POLR3H: variants seen among roughly 807,000 people sequenced by gnomAD.
The protein encoded by POLR3H is DNA-directed RNA polymerase III subunit RPC8.
A neutral mutation model predicts 25.5 loss-of-function variants in POLR3H; 17 were observed. The observed-to-expected ratio is 0.67, with a 90% CI of 0.46 to 1.00. The LOEUF (loss-of-function observed/expected upper bound fraction) is 1.00, where lower values mean the gene tolerates loss of function less well. Among genes scored for constraint, POLR3H ranks in the 50% least tolerant of loss-of-function variants. POLR3H has a pLI of 0.00. For synonymous variants in POLR3H, 129 were observed against 103.0 expected, an observed-to-expected ratio of 1.25 and a Z score of -1.53; for missense variants, 274 against 265.0, an observed-to-expected ratio of 1.03 and a Z score of -0.24.
At chr22:41,535,974 T>C (rs530804903) in intron 2 of POLR3H, among the ~76,000 whole-genome samples, 1 of 151,072 alleles carries the variant, frequency 6.6e-6, no homozygotes, top group African/African-American at 2.4e-5. Context: ...TTGCATTTTT[T>C]AGAGACAGGG....
Position 41,527,661 on chromosome 22 carries a change from CA to C in POLR3H, c.*1621del, listed in dbSNP as rs1451751048. ...AGCCGCTGAGATCTAGGACATGTGCCAGGGGGTTCTTTCTGATCATGAATGT... is the reference window on the plus strand; with the variant it reads ...AGCCGCTGAGATCTAGGACATGTGCCGGGGGTTCTTTCTGATCATGAATGT... On this transcript the variant is annotated 3_prime_UTR_variant, in exon 6 of 6. Transcript: ENST00000355209. 1.0e-5 allele frequency: 8 copies of C among 787,878 alleles called. No individual in the cohort carries two copies. The South Asian group carries it at 1.1e-4, about 11-fold the overall frequency. The allele number at this position is 787,878 out of a possible 1,614,324, so 48.8% of individuals were successfully genotyped here.
chr22:41,537,721 C>T (rs2145563414), intron 2 of POLR3H, among the ~76,000 whole-genome samples: 2 of 152,238 alleles, frequency 1.3e-5, no homozygotes, highest in South Asian at 4.1e-4. Context: ...CACCTGGTTC[C>T]CAAGAAAACA....
chr22:41,533,400 G>A (rs891608450), intron 2 of POLR3H: 14 of 718,664 alleles, frequency 1.9e-5, no homozygotes, highest in Non-Finnish European at 2.6e-5. Context: ...ATCAGCACGC[G>A]GCTGCCCCCT....
Position 41,527,524 on chromosome 22 carries a change from C to G in POLR3H, c.*1759G>C. The G allele has an allele frequency of 6.9e-7, 1 of 1,454,198 alleles. No homozygotes were observed. Among genetic ancestry groups the G allele is most frequent in the Non-Finnish European group, 9.2e-7 (1 of 1,084,242 alleles). 90.1% of individuals were successfully genotyped at this position (1,454,198 alleles called of 1,614,324 possible). A position where few individuals can be genotyped will look rare whatever the true frequency, so the allele number is the denominator to read the frequency against. ...TGGGCCTGGTTCTAGGCTGTGTCCA[C>G]TGCAGCCCACAGGCCCGTCAGCCTC... On this transcript the variant is annotated 3_prime_UTR_variant, in exon 6 of 6. Coordinates refer to ENST00000355209, the MANE Select transcript of POLR3H (RefSeq NM_001018050.4).
At chr22:41,533,768 G>T (rs1601951756) in intron 2 of POLR3H, 1 of 1,195,674 alleles carries the variant, frequency 8.4e-7, no homozygotes, top group East Asian at 5.7e-5. Flanking sequence ...GAGCAGATGA[G>T]GGCGGCCAAG....
At position 41,526,661 on chromosome 22, in the gene POLR3H, T is replaced by C; in HGVS notation, c.*2622A>G. The C allele has an allele frequency of 1.9e-6, 1 of 520,500 alleles. No individual in the cohort carries two copies. Among genetic ancestry groups the C allele is most frequent in the African/African-American group, 1.9e-5 (1 of 52,222 alleles). 32.2% of individuals were successfully genotyped at this position (520,500 alleles called of 1,614,324 possible). A position where few individuals can be genotyped will look rare whatever the true frequency, so the allele number is the denominator to read the frequency against. On this transcript the variant is annotated 3_prime_UTR_variant, in exon 6 of 6. Coordinates refer to ENST00000355209, the MANE Select transcript of POLR3H (RefSeq NM_001018050.4). ...AGGTCCGGTGGTACAGCCGGGTCCC[T>C]GCACCAGGAGGAGTTAGTGAGAGAT...
At chr22:41,529,958 T>C (rs1303618985) in intron 5 of POLR3H, among the ~76,000 whole-genome samples, 1 of 151,934 alleles carries the variant, frequency 6.6e-6, no homozygotes, top group Non-Finnish European at 1.5e-5. Flanking sequence ...GGTTTCACCG[T>C]GTTAGCCAGG....
intron 1 of POLR3H, 56 bp from the exon 2 acceptor site, chr22:41,540,851 G>A: frequency 2.2e-6 from 3 of 1,359,924 alleles, no homozygotes; most frequent in South Asian, 2.4e-5. Flanking sequence ...GTGACCACAG[G>A]CCCAGCTCCC....
In POLR3H at chr22:41,526,209, C is replaced by A. The variant is rs2066592137; in HGVS notation, c.*3074G>T. ...TGCCTGCCTCTGGAGGGCTTGTCAT[C>A]CACCCCTCCAGGGCCATGCCCTGAC... On this transcript the variant is annotated 3_prime_UTR_variant, in exon 6 of 6. Transcript: ENST00000355209. The A allele has an allele frequency of 1.3e-6, 2 of 1,537,706 alleles. No individual in the cohort carries two copies. Among genetic ancestry groups the A allele is most frequent in the Non-Finnish European group, 1.8e-6 (2 of 1,128,628 alleles).
At chr22:41,543,963 G>T in intron 1 of POLR3H, 28 bp downstream of exon 1, 1 of 1,542,754 alleles carries the variant, frequency 6.5e-7, no homozygotes, top group Non-Finnish European at 9.0e-7. Context: ...CCACGCCAAG[G>T]CCTGCCCGCG....
chr22:41,543,396 G>A (rs1192425901), intron 1 of POLR3H, among the ~76,000 whole-genome samples: 1 of 152,128 alleles, frequency 6.6e-6, no homozygotes, highest in African/African-American at 2.4e-5. Flanking sequence ...GGGAGGCCGA[G>A]GCGGGGGGAT....
intron 1 of POLR3H, among the ~76,000 whole-genome samples, chr22:41,543,003 TCA>T (rs1247413573): frequency 1.3e-5 from 2 of 151,828 alleles, no homozygotes; most frequent in Non-Finnish European, 2.9e-5. Context: ...CACTCTTGTC[TCA>T]CACACACAAA....
chr22:41,544,362 GC>G lies in POLR3H; in HGVS notation c.-262del. The G allele has an allele frequency of 2.9e-6, 1 of 349,014 alleles. No homozygotes were observed. Among genetic ancestry groups the G allele is most frequent in the Non-Finnish European group, 5.2e-6 (1 of 193,722 alleles). 21.6% of individuals were successfully genotyped at this position (349,014 alleles called of 1,614,324 possible). On this transcript the variant is annotated 5_prime_UTR_variant, in exon 1 of 6. Coordinates refer to ENST00000355209, the MANE Select transcript of POLR3H (RefSeq NM_001018050.4). ...GCGCCGCGAGACCCCGCCACGCCACGCCACTCCACGCCACGCCACTCCACGC... is the reference window on the plus strand; with the variant it reads ...GCGCCGCGAGACCCCGCCACGCCACGCACTCCACGCCACGCCACTCCACGC...
intron 2 of POLR3H, among the ~76,000 whole-genome samples, chr22:41,537,896 T>A (rs1293800902): frequency 6.6e-6 from 1 of 151,974 alleles, no homozygotes; most frequent in Admixed American, 6.6e-5. Flanking sequence ...GTTCAAGCGA[T>A]TCTCCTGCCT....
Position 41,540,776 on chromosome 22 carries a change from A to C in POLR3H, c.131T>G (p.Leu44Arg), listed in dbSNP as rs377376349. 94 of 1,613,926 alleles carry C rather than the reference A, an allele frequency of 5.8e-5. No individual in the cohort carries two copies. Among genetic ancestry groups the C allele is most frequent in the Non-Finnish European group, 7.7e-5 (91 of 1,179,864 alleles). Residue 44 changes from leucine to arginine, a missense_variant, in exon 2 of 6, where the codon CTC becomes CGC. Leu to Arg is a moderately radical substitution (Grantham distance 102, BLOSUM62 -2). Transcript: ENST00000355209. Reference protein sequence around the residue: ...LANKVVYNVGLCICLFDITKL... With the variant: ...LANKVVYNVGRCICLFDITKL... ...GGTGATATCAAACAGACAAATGCAG[A>C]GTCCCACGTTGTACACGACCTGCAT...
rs2066980039 is a variant in POLR3H at position 41,544,148 on chromosome 22, C to T, written c.-47G>A. 1.6e-6 allele frequency: 2 copies of T among 1,224,730 alleles called. No individual in the cohort carries two copies. Among genetic ancestry groups the T allele is most frequent in the South Asian group, 1.3e-5 (1 of 78,984 alleles). The allele number at this position is 1,224,730 out of a possible 1,614,324, so 75.9% of individuals were successfully genotyped here. ...TGGGAACAGGAGGGTCAGTCACGCA[C>T]CAGGGCCGGGGGCAGGGAGAATCCC... On this transcript the variant is annotated 5_prime_UTR_variant, in exon 1 of 6. It adds an upstream start codon to the 5' untranslated region. Transcript: ENST00000355209.
At chr22:41,533,609 C>A (rs1039717377) in intron 2 of POLR3H, 24 of 1,301,668 alleles carry the variant, frequency 1.8e-5, no homozygotes, top group African/African-American at 4.6e-5. Context: ...ACCATTTAGT[C>A]GGCCAACATG....
rs2066665915 is a variant in POLR3H at position 41,529,020 on chromosome 22, G to A, written c.*263C>T. ...TGGTGTCTGTGCCGTTTGTTGTCAA[G>A]TCCAGGGTCCAGGAAGGGTCTTTTC... is the stretch of plus-strand genomic sequence containing the variant. On this transcript the variant is annotated 3_prime_UTR_variant, in exon 6 of 6. Transcript: ENST00000355209. 5 of 547,962 alleles carry A rather than the reference G, an allele frequency of 9.1e-6. No individual in the cohort carries two copies. In the South Asian group the frequency reaches 1.2e-4, roughly 14 times the overall value. 33.9% of individuals were successfully genotyped at this position (547,962 alleles called of 1,614,324 possible). A position where few individuals can be genotyped will look rare whatever the true frequency, so the allele number is the denominator to read the frequency against.
At chr22:41,532,293 C>T (rs2066751628) in intron 3 of POLR3H, 136 bp from the exon 4 acceptor site, 5 of 837,302 alleles carry the variant, frequency 6.0e-6, no homozygotes, top group Non-Finnish European at 9.8e-6. Flanking sequence ...AACCTAGGCC[C>T]CTTCCCCACC....
Sources: gnomAD v4.1 joint callset for allele counts (sites outside exome capture counted in the v4.1 genomes callset) on GRCh38, gnomAD v4.1.1 for gene constraint, MANE v1.5 for transcripts, NCBI Gene and HGNC (gene_info 2026-07-23, HGNC 2026-07-21) for gene names.